KIAA1671: variants seen among roughly 807,000 people sequenced by gnomAD.
The protein encoded by KIAA1671 is uncharacterized protein KIAA1671.
In KIAA1671, 52 loss-of-function variants were observed where a neutral mutation model predicts 131.2. The ratio of observed to expected loss-of-function variants is 0.40; its 90% CI spans 0.32 to 0.50. The LOEUF (loss-of-function observed/expected upper bound fraction) is 0.50, where lower values mean the gene tolerates loss of function less well. Among genes scored for constraint, KIAA1671 ranks in the 20% least tolerant of loss-of-function variants. The probability of loss-of-function intolerance (pLI) is 0.73; values close to 1 mark genes in which losing one functional copy is unlikely to be tolerated. For synonymous variants in KIAA1671, 1,003 were observed against 961.6 expected, an observed-to-expected ratio of 1.04 and a Z score of -0.80; for missense variants, 2,360 against 2,364.2, an observed-to-expected ratio of 1.00 and a Z score of 0.04.
intron 1 of KIAA1671, among the ~76,000 whole-genome samples, chr22:24,984,594 T>C (rs1333624250): frequency 6.6e-6 from 1 of 152,060 alleles, no homozygotes; most frequent in Non-Finnish European, 1.5e-5. Flanking sequence ...ATTAATTCCC[T>C]TATATGTGTG....
At chr22:25,001,234 T>C (rs546550021) in intron 1 of KIAA1671, among the ~76,000 whole-genome samples, 2 of 12,604 alleles carry the variant, frequency 1.6e-4, no homozygotes, top group East Asian at 0.021. Context: ...TATGTGTGTG[T>C]ATATGTGTGT....
chr22:25,064,287 C>A (rs1928345305), intron 6 of KIAA1671: 1 of 152,126 alleles, frequency 6.6e-6, no homozygotes, highest in South Asian at 2.1e-4. Flanking sequence ...TCTCAAAATT[C>A]TGACCTCAAG....
chr22:25,192,954 T>A lies in KIAA1671; in HGVS notation c.*553T>A, dbSNP rs1934716150. On this transcript the variant is annotated 3_prime_UTR_variant, in exon 13 of 13. Transcript: ENST00000358431. ...TTTTTTGGTGAGTTCCTTCTTCCCCTTGAGGAATCAGCAGTTCCAATTTTT... is the reference window on the plus strand; with the variant it reads ...TTTTTTGGTGAGTTCCTTCTTCCCCATGAGGAATCAGCAGTTCCAATTTTT... The A allele has an allele frequency of 6.6e-6, 1 of 152,162 alleles. No individual in the cohort carries two copies. Among genetic ancestry groups the A allele is most frequent in the African/African-American group, 2.4e-5 (1 of 41,442 alleles). The allele number at this position is 152,162 out of a possible 1,614,324, so 9.4% of individuals were successfully genotyped here. A position where few individuals can be genotyped will look rare whatever the true frequency, so the allele number is the denominator to read the frequency against.
chr22:24,957,965 C>CTTTTTTTTTTT (rs140702390), intron 1 of KIAA1671, among the ~76,000 whole-genome samples: 3 of 114,460 alleles, frequency 2.6e-5, no homozygotes, highest in African/African-American at 1.1e-4. Flanking sequence ...GGCACCCGGC[C>CTTTTTTTTTTT]TTTTTTTTTT....
intron 1 of KIAA1671, among the ~76,000 whole-genome samples, chr22:25,018,993 C>T (rs1925500356): frequency 6.6e-6 from 1 of 151,666 alleles, no homozygotes; most frequent in Non-Finnish European, 1.5e-5. Flanking sequence ...ATTTTATATT[C>T]ACAACACCAG....
At chr22:25,092,727 C>T (rs147381257) in intron 6 of KIAA1671, among the ~76,000 whole-genome samples, 80 of 152,270 alleles carry the variant, frequency 5.3e-4, no homozygotes, top group African/African-American at 1.8e-3. Context: ...AGAGGAACTA[C>T]GGAGGGTCCC....
chr22:25,024,650 G>A lies in KIAA1671; in HGVS notation c.-207-983G>A, dbSNP rs1417505420. 2.0e-5 allele frequency: 3 copies of A among 152,190 alleles called. No homozygotes were observed. The South Asian group carries it at 6.2e-4, about 32-fold the overall frequency. 9.4% of individuals were successfully genotyped at this position (152,190 alleles called of 1,614,324 possible). ...GTATCTGGACTTATTTAGCATCTTA[G>A]AGAGTGGGCAGCAGGGGCAGAAGAA... On this transcript the variant is annotated intron_variant, in intron 1 of 12. Coordinates refer to ENST00000358431, the MANE Select transcript of KIAA1671 (RefSeq NM_001145206.2).
chr22:25,083,112 C>T (rs1929503778), intron 6 of KIAA1671, among the ~76,000 whole-genome samples: 1 of 152,160 alleles, frequency 6.6e-6, no homozygotes. Context: ...ATGGCTTAAA[C>T]AGAAGAAATG....
At chr22:25,019,504 T>C (rs1387503902) in intron 1 of KIAA1671, among the ~76,000 whole-genome samples, 1 of 151,878 alleles carries the variant, frequency 6.6e-6, no homozygotes, top group Non-Finnish European at 1.5e-5. Flanking sequence ...AAACCTCTGG[T>C]ATTGAGATGT....
intron 1 of KIAA1671, among the ~76,000 whole-genome samples, chr22:24,957,625 CAG>C (rs1921779925): frequency 6.7e-6 from 1 of 150,210 alleles, no homozygotes; most frequent in Non-Finnish European, 1.5e-5. Flanking sequence ...CATAGTGCAT[CAG>C]AGCTGCGCTG....
intron 6 of KIAA1671, among the ~76,000 whole-genome samples, chr22:25,089,879 G>T (rs952468633): frequency 6.6e-6 from 1 of 152,132 alleles, no homozygotes; most frequent in South Asian, 2.1e-4. Context: ...GGCCTTTCTG[G>T]GTCATCTAAA....
chr22:25,105,556 A>G (rs974944232), intron 6 of KIAA1671, among the ~76,000 whole-genome samples: 5 of 152,060 alleles, frequency 3.3e-5, no homozygotes, highest in East Asian at 1.9e-4. Flanking sequence ...TCTGGGGGGG[A>G]AAATGCTTGT....
intron 1 of KIAA1671, among the ~76,000 whole-genome samples, chr22:24,961,552 T>C (rs898034468): frequency 2.0e-5 from 3 of 152,142 alleles, no homozygotes; most frequent in African/African-American, 7.2e-5. Context: ...TTGGATTGGG[T>C]TCAGGTCTGG....
At chr22:24,985,103 GA>G (rs1207969750) in intron 1 of KIAA1671, among the ~76,000 whole-genome samples, 1 of 151,978 alleles carries the variant, frequency 6.6e-6, no homozygotes, top group Non-Finnish European at 1.5e-5. Context: ...TATTCATGTG[GA>G]AAAGAGCTTT....
intron 1 of KIAA1671, among the ~76,000 whole-genome samples, chr22:25,015,643 C>T (rs1433898290): frequency 1.3e-5 from 2 of 152,144 alleles, no homozygotes; most frequent in Admixed American, 1.3e-4. Context: ...TCTGAAAAGT[C>T]CTGCTGGAAA....
rs3063202 is a variant in KIAA1671 at position 25,042,463 on chromosome 22, G to GTTTTT, written c.4395+955_4395+959dup. Reference sequence around the variant, plus strand: ...TGGTTTTGGGTTCCAGCAGTCCCTTGTTTTTTTTTTTTTTTTTTTTTGAGA... The same window carrying GTTTTT: ...TGGTTTTGGGTTCCAGCAGTCCCTTGTTTTTTTTTTTTTTTTTTTTTTTTTTGAGA... On this transcript the variant is annotated intron_variant, in intron 5 of 12. Coordinates refer to ENST00000358431, the MANE Select transcript of KIAA1671 (RefSeq NM_001145206.2). Among the ~76,000 whole-genome samples, 81 of 104,876 alleles carry GTTTTT rather than the reference G, an allele frequency of 7.7e-4. 3 individuals carry two copies. The highest frequency in any genetic ancestry group is 1.0e-3 in the Non-Finnish European group (56 of 55,080). The allele number at this position is 104,876 out of a possible 152,430, so 68.8% of individuals were successfully genotyped here.
chr22:25,015,248 A>G (rs1457940355), intron 1 of KIAA1671, among the ~76,000 whole-genome samples: 2 of 142,138 alleles, frequency 1.4e-5, no homozygotes, highest in African/African-American at 5.1e-5. Flanking sequence ...AAAAAAAAAA[A>G]GGCAGCAGCA....
At chr22:25,145,775 C>CAA (rs11435541) in intron 6 of KIAA1671, among the ~76,000 whole-genome samples, 1 of 151,594 alleles carries the variant, frequency 6.6e-6, no homozygotes, top group African/African-American at 2.4e-5. Context: ...CCCATCTCTA[C>CAA]AAAAAAAATT....
In KIAA1671 at chr22:25,039,009, C is replaced by T; in HGVS notation, c.1879C>T (p.Gln627Ter). ...HHVERHTVADQSGRCLSTTPP... is the reference protein window; with the variant it reads ...HHVERHTVAD ...CGTGGAGAGACACACAGTGGCTGAC[C>T]AGTCGGGACGTTGTCTCTCCACCAC... is the stretch of plus-strand genomic sequence containing the variant. Residue 627 changes from glutamine to a stop codon, truncating the protein, a stop_gained, in exon 5 of 13, where the codon CAG becomes TAG. Coordinates refer to ENST00000358431, the MANE Select transcript of KIAA1671 (RefSeq NM_001145206.2). LOFTEE classifies it high-confidence loss of function. 6.4e-7 allele frequency: 1 copy of T among 1,551,720 alleles called. No homozygotes were observed.
Sources: gnomAD v4.1 joint callset for allele counts (sites outside exome capture counted in the v4.1 genomes callset) on GRCh38, gnomAD v4.1.1 for gene constraint, MANE v1.5 for transcripts, NCBI Gene and HGNC (gene_info 2026-07-23, HGNC 2026-07-21) for gene names.